COL12A1: variants seen among roughly 807,000 people sequenced by gnomAD.
COL12A1 encodes collagen type XII alpha 1 chain.
A neutral mutation model predicts 349.7 loss-of-function variants in COL12A1; 114 were observed. The ratio of observed to expected loss-of-function variants is 0.33; its 90% CI spans 0.28 to 0.38. The LOEUF is 0.38. Among genes scored for constraint, COL12A1 ranks in the 10% least tolerant of loss-of-function variants. The probability of loss-of-function intolerance (pLI) is 1.00; values close to 1 mark genes in which losing one functional copy is unlikely to be tolerated. For missense variants in COL12A1, 3,284 were observed against 3,756.9 expected, an observed-to-expected ratio of 0.87 and a Z score of 3.29; for synonymous variants, 1,369 against 1,329.0, an observed-to-expected ratio of 1.03 and a Z score of -0.66.
chr6:75,156,145 T>G, intron 15 of COL12A1, 112 bp downstream of exon 15: 1 of 1,302,044 alleles, frequency 7.7e-7, no homozygotes, highest in East Asian at 2.4e-5. Flanking sequence ...TAATTATAAT[T>G]TAACTTATTA....
chr6:75,126,588 G>C lies in COL12A1; in HGVS notation c.6341-118C>G, dbSNP rs543271092. 5 of 1,151,564 alleles carry C rather than the reference G, an allele frequency of 4.3e-6. No individual in the cohort carries two copies. The East Asian group carries it at 1.3e-4, about 31-fold the overall frequency. The allele number at this position is 1,151,564 out of a possible 1,614,324, so 71.3% of individuals were successfully genotyped here. ...GAGCAATTTCATAATATCCCATAAT[G>C]TCTTTATCCAGAAAACAATTAAAAG... On this transcript the variant is annotated intron_variant, in intron 38 of 65. Transcript: ENST00000322507.
Position 75,192,305 on chromosome 6 carries a change from A to G in COL12A1, c.241T>C (p.Leu81=). 6.2e-7 allele frequency: 1 copy of G among 1,612,052 alleles called. No individual in the cohort carries two copies. The stretch of plus-strand genomic sequence containing the variant: ...TCTGTTTCAGGTACAAGTTCTGACA[A>G]TAAAGTTTCAGTGGTACTAGCTGAA... ...TLSASTTETL[L]SELVPETEYV... The change falls in exon 4 of 66, where the codon TTG becomes CTG. Residue 81 remains leucine, a synonymous_variant. Transcript: ENST00000322507.
chr6:75,086,648 G>GTATATATATATGTATATA (rs373369671), intron 65 of COL12A1, 91 bp from the exon 66 acceptor site: 4 of 280,970 alleles, frequency 1.4e-5, no homozygotes, highest in African/African-American at 9.7e-5. Context: ...AATGGTTAAA[G>GTATATATATATGTATATA]TATATATATA....
Position 75,165,761 on chromosome 6 carries a change from T to C in COL12A1, c.2729A>G (p.Asp910Gly). 1 of 1,613,778 alleles carries C rather than the reference T, an allele frequency of 6.2e-7. No homozygotes were observed. Among genetic ancestry groups the C allele is most frequent in the Non-Finnish European group, 8.5e-7 (1 of 1,179,808 alleles). Residue 910 changes from aspartate to glycine, a missense_variant, in exon 14 of 66, where the codon GAT becomes GGT. Physicochemically the swap from Asp to Gly is moderately conservative, Grantham distance 94 (BLOSUM62 -1). Coordinates refer to ENST00000322507, the MANE Select transcript of COL12A1 (RefSeq NM_004370.6). ...GTCAGTGATGTCTTTAGTAACTAAA[T>C]CTTGAGGAGAACCACGTTCTAGAAC... ...TTLEERGSPQDLVTKDITDTS... is the reference protein window; with the variant it reads ...TTLEERGSPQGLVTKDITDTS...
At position 75,146,250 on chromosome 6, in the gene COL12A1, A is replaced by T; in HGVS notation, c.4418-6T>A. 1 of 1,590,192 alleles carries T rather than the reference A, an allele frequency of 6.3e-7. No individual in the cohort carries two copies. Among genetic ancestry groups the T allele is most frequent in the Non-Finnish European group, 8.5e-7 (1 of 1,171,348 alleles). ...GCTGACTACAGGCACTGGCACTTCC[A>T]AAACAGAAAAGCAGACCATCAGTCT... is the stretch of plus-strand genomic sequence containing the variant. On this transcript the variant is annotated splice_region_variant and splice_polypyrimidine_tract_variant and intron_variant, in intron 23 of 65. Transcript: ENST00000322507.
chr6:75,151,076 AAGAAT>A, intron 21 of COL12A1, 60 bp downstream of exon 21: 1 of 437,910 alleles, frequency 2.3e-6, no homozygotes. Context: ...CCCCACCCAA[AAGAAT>A]AATTATTTGG....
Position 75,138,168 on chromosome 6 carries a change from T to A in COL12A1, c.5251+152A>T, listed in dbSNP as rs1582114262. On this transcript the variant is annotated intron_variant, in intron 30 of 65. Coordinates refer to ENST00000322507, the MANE Select transcript of COL12A1 (RefSeq NM_004370.6). ...AAAACAAGTAGTAGCAAAGCAAAGT[T>A]TTTCAAGAAAAGCCTATGTAAAAGA... The A allele has an allele frequency of 1.2e-5, 10 of 852,484 alleles. 1 individual carries two copies. In the East Asian group the frequency reaches 2.7e-4, roughly 23 times the overall value. 52.8% of individuals were successfully genotyped at this position (852,484 alleles called of 1,614,324 possible).
intron 13 of COL12A1, among the ~76,000 whole-genome samples, chr6:75,171,222 AAC>A (rs1204346359): frequency 2.0e-5 from 3 of 152,200 alleles, no homozygotes; most frequent in African/African-American, 7.2e-5. Context: ...AGGGGAAAAA[AAC>A]AATGTAAATC....
At chr6:75,166,238 G>A (rs1768300374) in intron 13 of COL12A1, among the ~76,000 whole-genome samples, 1 of 152,104 alleles carries the variant, frequency 6.6e-6, no homozygotes, top group Non-Finnish European at 1.5e-5. Flanking sequence ...TTCAATGCAT[G>A]ATTTACAACA....
At chr6:75,092,115 T>A (rs1476287313) in intron 60 of COL12A1, among the ~76,000 whole-genome samples, 1 of 152,096 alleles carries the variant, frequency 6.6e-6, no homozygotes, top group Non-Finnish European at 1.5e-5. Context: ...AACCTAACAC[T>A]GCATGTTCTC....
Position 75,095,198 on chromosome 6 carries a change from G to C in COL12A1, c.8578-19C>G. On this transcript the variant is annotated intron_variant, in intron 59 of 65. Transcript: ENST00000322507. ...GGCTTCCCTACAACACATGGAAAGGGAAGGGGACTGTTATGACAAAGGGAA... is the reference window on the plus strand; with the variant it reads ...GGCTTCCCTACAACACATGGAAAGGCAAGGGGACTGTTATGACAAAGGGAA... The C allele has an allele frequency of 2.5e-6, 4 of 1,599,282 alleles. No homozygotes were observed. Among genetic ancestry groups the C allele is most frequent in the Non-Finnish European group, 3.4e-6 (4 of 1,167,380 alleles).
intron 23 of COL12A1, 101 bp downstream of exon 23, chr6:75,147,574 A>G: frequency 8.9e-7 from 1 of 1,129,138 alleles, no homozygotes; most frequent in Non-Finnish European, 1.3e-6. Context: ...TATAGAATGA[A>G]TGTTAAATAA....
At chr6:75,155,230 C>T (rs1349849975) in intron 16 of COL12A1, among the ~76,000 whole-genome samples, 1 of 152,104 alleles carries the variant, frequency 6.6e-6, no homozygotes, top group Non-Finnish European at 1.5e-5. Context: ...CTTCTTTCTC[C>T]TGTATGGCAC....
chr6:75,150,313 T>C (rs184424681), intron 21 of COL12A1, among the ~76,000 whole-genome samples: 1 of 152,296 alleles, frequency 6.6e-6, no homozygotes, highest in Admixed American at 6.5e-5. Context: ...TGCACCATCC[T>C]TTTTTGGTAT....
At chr6:75,197,629 G>T (rs961125412) in intron 2 of COL12A1, among the ~76,000 whole-genome samples, 1 of 152,084 alleles carries the variant, frequency 6.6e-6, no homozygotes, top group Non-Finnish European at 1.5e-5. Flanking sequence ...TTTCAATTAT[G>T]CACTAGCTGC....
In COL12A1 at chr6:75,151,915, C is replaced by T. The variant is rs41269309; in HGVS notation, c.3952G>A (p.Ala1318Thr). 7.1e-5 allele frequency: 115 copies of T among 1,613,844 alleles called. No homozygotes were observed. The highest frequency in any genetic ancestry group is 9.2e-5 in the Non-Finnish European group (109 of 1,179,812). The change falls in exon 20 of 66, where the codon GCA becomes ACA. Residue 1318 changes from alanine (A) to threonine (T), a missense_variant. By Grantham distance (58) the Ala-to-Thr change is moderately conservative. Coordinates refer to ENST00000322507, the MANE Select transcript of COL12A1 (RefSeq NM_004370.6). ...TCATCCTTGAGTTTCTTTGAAGGTGCTTCAACATCGTCTTGTGATTTTCCA... is the reference window on the plus strand; with the variant it reads ...TCATCCTTGAGTTTCTTTGAAGGTGTTTCAACATCGTCTTGTGATTTTCCA... Reference protein sequence around the residue: ...TDGKSQDDVEAPSKKLKDEGV... With the variant: ...TDGKSQDDVETPSKKLKDEGV...
chr6:75,109,762 T>C (rs111956001), intron 51 of COL12A1, among the ~76,000 whole-genome samples: 1,979 of 152,230 alleles, frequency 0.013, 41 homozygotes, highest in African/African-American at 0.044. Context: ...TTTCGTTTGC[T>C]ACTGAAGACA....
At position 75,128,413 on chromosome 6, in the gene COL12A1, C is replaced by A. The variant is rs1253942397; in HGVS notation, c.6223G>T (p.Gly2075Cys). ...TGCAGTATTACATTGTTTCTTCTGC[C>A]TGGGACTGTGGTCTATAGAGGAAGT... Reference protein sequence around the residue: ...DPIDEYTTVPGRRNNVILQPL... With the variant: ...DPIDEYTTVPCRRNNVILQPL... The change falls in exon 38 of 66, where the codon GGC (glycine) becomes TGC (cysteine). Residue 2075 changes from glycine to cysteine, a missense_variant. This residue lies in a region of COL12A1 where 2,601 missense variants were observed against 2,824.8 expected (regional missense o/e 0.92). Transcript: ENST00000322507. 1 of 1,599,392 alleles carries A rather than the reference C, an allele frequency of 6.3e-7. No individual in the cohort carries two copies. Among genetic ancestry groups the A allele is most frequent in the Non-Finnish European group, 8.5e-7 (1 of 1,173,682 alleles).
chr6:75,154,381 T>C lies in COL12A1; in HGVS notation c.3565+35A>G, dbSNP rs73749977. ...TTCACATTTGAAATAGTTTCCTAAG[T>C]TGTTTTCCTCAAGGAATGTAACTCA... On this transcript the variant is annotated intron_variant, in intron 17 of 65. Transcript: ENST00000322507. The C allele has an allele frequency of 4.3e-3, 6,888 of 1,602,154 alleles. 228 individuals carry two copies. The African/African-American group carries it at 0.079, about 18-fold the overall frequency.
Sources: gnomAD v4.1 joint callset for allele counts (sites outside exome capture counted in the v4.1 genomes callset) on GRCh38, gnomAD v4.1.1 for gene constraint, gnomAD v4.1.1 regional missense constraint, MANE v1.5 for transcripts, NCBI Gene and HGNC (gene_info 2026-07-23, HGNC 2026-07-21) for gene names.